The following GPHN variants were observed in gnomAD, a reference collection of about 807,000 sequenced individuals.
GPHN encodes gephyrin.
Under a neutral mutation model 95.5 loss-of-function variants are expected in GPHN, and 17 were observed. The observed-to-expected ratio is 0.18, with a 90% confidence interval of 0.12 to 0.27. The LOEUF (loss-of-function observed/expected upper bound fraction) is 0.27, where lower values mean the gene tolerates loss of function less well. Ranked by LOEUF, GPHN falls within the 10% of genes least tolerant of loss-of-function variation. The pLI, the probability that GPHN is intolerant of heterozygous loss-of-function variation, is 1.00. For missense variants in GPHN, 660 were observed against 978.1 expected, an observed-to-expected ratio of 0.67 and a Z score of 4.34; for synonymous variants, 320 against 322.5, an observed-to-expected ratio of 0.99 and a Z score of 0.08.
At chr14:67,674,527 G>C in the GPHN span, 1 of 1,548,564 alleles carries the variant, frequency 6.5e-7, no homozygotes, top group Non-Finnish European at 8.7e-7. Flanking sequence ...ACCGAGATTC[G>C]GGGCCCTGGG....
At chr14:66,768,967 A>C (rs1411591818) in intron 2 of GPHN, among the ~76,000 whole-genome samples, 1 of 152,022 alleles carries the variant, frequency 6.6e-6, no homozygotes, top group Non-Finnish European at 1.5e-5. Context: ...ATTAGAGAAG[A>C]ACATTTTAGA....
chr14:67,370,464 C>G, the GPHN span, among the ~76,000 whole-genome samples: 1 of 151,692 alleles, frequency 6.6e-6, no homozygotes, highest in Non-Finnish European at 1.5e-5. Flanking sequence ...ATTGATAAAC[C>G]CCTAGTTAGG....
At chr14:67,132,151 A>T (rs1007238949) in intron 17 of GPHN, among the ~76,000 whole-genome samples, 1 of 152,242 alleles carries the variant, frequency 6.6e-6, no homozygotes, top group African/African-American at 2.4e-5. Context: ...AAATACTGAG[A>T]TAGAAAATTG....
chr14:67,102,035 CTAATTTTTTTGTA>C (rs971322674), intron 13 of GPHN, among the ~76,000 whole-genome samples: 4 of 151,886 alleles, frequency 2.6e-5, no homozygotes, highest in African/African-American at 9.7e-5. Context: ...CCACGCCCGC[CTAATTTTTTTGTA>C]TTTTTAGTAG....
At chr14:66,949,108 CAG>C (rs2067933343) in intron 8 of GPHN, among the ~76,000 whole-genome samples, 1 of 151,976 alleles carries the variant, frequency 6.6e-6, no homozygotes, top group African/African-American at 2.4e-5. Flanking sequence ...CTTTCTAAGA[CAG>C]AGTTTTTCTC....
At chr14:67,511,463 G>A in the GPHN span, among the ~76,000 whole-genome samples, 1 of 151,608 alleles carries the variant, frequency 6.6e-6, no homozygotes, top group Non-Finnish European at 1.5e-5. Context: ...TTTCAAAGAT[G>A]CTGTCTCTTC....
the GPHN span, among the ~76,000 whole-genome samples, chr14:67,368,387 C>G: frequency 6.6e-6 from 1 of 152,216 alleles, no homozygotes; most frequent in African/African-American, 2.4e-5. Context: ...CAAGCAAGCC[C>G]TTTGCTGACT....
At chr14:67,015,268 G>A (rs759343264) in intron 9 of GPHN, among the ~76,000 whole-genome samples, 7 of 152,042 alleles carry the variant, frequency 4.6e-5, no homozygotes, top group African/African-American at 9.7e-5. Flanking sequence ...AGGAAAGCTC[G>A]GTGGAATTTA....
the GPHN span, among the ~76,000 whole-genome samples, chr14:67,687,850 T>C: frequency 4.6e-5 from 7 of 151,408 alleles, no homozygotes; most frequent in African/African-American, 1.7e-4. Context: ...CTTGGCTCAC[T>C]GCAAACTCTG....
the GPHN span, among the ~76,000 whole-genome samples, chr14:67,584,742 C>T: frequency 7.2e-5 from 11 of 152,224 alleles, no homozygotes; most frequent in Admixed American, 6.5e-4. Context: ...GTGAGAAAAT[C>T]AGACACAGTC....
chr14:67,711,324 T>G, the GPHN span, among the ~76,000 whole-genome samples: 1 of 152,244 alleles, frequency 6.6e-6, no homozygotes, highest in Non-Finnish European at 1.5e-5. Context: ...TTGGCAGTAA[T>G]AAGTATGAAA....
chr14:67,707,107 T>G, the GPHN span, among the ~76,000 whole-genome samples: 1 of 152,210 alleles, frequency 6.6e-6, no homozygotes. Flanking sequence ...GTTGTCTAGC[T>G]TCAGTTTGCA....
At position 67,136,465 on chromosome 14, in the gene GPHN, A is replaced by G. The variant is rs1222772042; in HGVS notation, c.1749-6897A>G. Among the ~76,000 whole-genome samples, 4 of 152,348 alleles carry G rather than the reference A, an allele frequency of 2.6e-5. No homozygotes were observed. In the East Asian group the frequency reaches 7.7e-4, roughly 29 times the overall value. On this transcript the variant is annotated intron_variant, in intron 17 of 22. Transcript: ENST00000478722. ...ATAGGGCAGTCTTAGTATTTTTTCAAGTAGACTTCAGACTTCTGGGTCAAC... is the reference window on the plus strand; with the variant it reads ...ATAGGGCAGTCTTAGTATTTTTTCAGGTAGACTTCAGACTTCTGGGTCAAC...
the GPHN span, among the ~76,000 whole-genome samples, chr14:67,719,742 T>C: frequency 6.6e-6 from 1 of 152,216 alleles, no homozygotes; most frequent in Non-Finnish European, 1.5e-5. Flanking sequence ...TTTCCCAAAG[T>C]GCAGGAATTA....
chr14:66,569,371 TA>T (rs1368946185), intron 1 of GPHN, among the ~76,000 whole-genome samples: 1 of 152,074 alleles, frequency 6.6e-6, no homozygotes, highest in African/African-American at 2.4e-5. Flanking sequence ...TTGTGCTTTC[TA>T]AAAAAATTAG....
chr14:66,804,537 T>C (rs1395435690), intron 3 of GPHN, among the ~76,000 whole-genome samples: 1 of 152,234 alleles, frequency 6.6e-6, no homozygotes. Flanking sequence ...AGCTTGGGTT[T>C]ATTCAAATTT....
chr14:67,290,913 T>C, the GPHN span, among the ~76,000 whole-genome samples: 2 of 152,206 alleles, frequency 1.3e-5, no homozygotes, highest in African/African-American at 4.8e-5. Context: ...TTCAGATCTA[T>C]GCTGAAATAA....
chr14:66,568,928 G>T (rs7143617), intron 1 of GPHN, among the ~76,000 whole-genome samples: 49,852 of 151,962 alleles, frequency 0.33, 12,019 homozygotes, highest in African/African-American at 0.66. Context: ...ATAAATGTAT[G>T]ATTAGATTTT....
the GPHN span, among the ~76,000 whole-genome samples, chr14:67,401,313 C>T: frequency 1.3e-5 from 2 of 152,008 alleles, no homozygotes; most frequent in East Asian, 3.9e-4. Context: ...ATAGGAAGAC[C>T]TCATCTCTAT....
Sources: allele counts gnomAD v4.1 joint callset (sites outside exome capture counted in the v4.1 genomes callset), GRCh38; gene constraint gnomAD v4.1.1; transcripts MANE v1.5; gene names NCBI Gene and HGNC (gene_info 2026-07-23, HGNC 2026-07-21).